PRG4: variants seen among roughly 807,000 people sequenced by gnomAD.
The protein encoded by PRG4 is articular superficial zone protein.
PRG4 carries 61 observed loss-of-function variants against 91.2 expected under a neutral mutation model. The observed-to-expected ratio is 0.67, with a 90% CI of 0.54 to 0.83. The LOEUF (loss-of-function observed/expected upper bound fraction) is 0.83, where lower values mean the gene tolerates loss of function less well. Ranked by LOEUF, PRG4 falls within the 40% of genes least tolerant of loss-of-function variation. The probability of loss-of-function intolerance (pLI) is 0.00; values close to 1 mark genes in which losing one functional copy is unlikely to be tolerated. For synonymous variants in PRG4, 576 were observed against 614.2 expected (o/e 0.94, Z 0.92); for missense variants, 1,564 against 1,714.2 (o/e 0.91, Z 1.55).
intron 5 of PRG4, 94 bp downstream of exon 5, chr1:186,304,351 A>T: frequency 7.2e-7 from 1 of 1,392,588 alleles, no homozygotes; most frequent in South Asian, 1.2e-5. Flanking sequence ...AGAACAGGGT[A>T]ATCTTAGGAA....
In PRG4 at chr1:186,308,773, T is replaced by A; in HGVS notation, c.3054T>A (p.Thr1018=). ...KDRATNSKAT[T]PKPQKPTKAP... is the part of the protein sequence containing the mutation. ...GAGCTACTAATTCTAAAGCGACAACTCCTAAACCTCAAAAGCCAACCAAAG... is the reference window on the plus strand; with the variant it reads ...GAGCTACTAATTCTAAAGCGACAACACCTAAACCTCAAAAGCCAACCAAAG... Residue 1018 remains threonine (T), a synonymous_variant, in exon 7 of 13, where the codon ACT becomes ACA. Transcript: ENST00000445192. 6.2e-7 allele frequency: 1 copy of A among 1,612,614 alleles called. No homozygotes were observed. The highest frequency in any genetic ancestry group is 8.5e-7 in the Non-Finnish European group (1 of 1,179,656).
intron 2 of PRG4, among the ~76,000 whole-genome samples, chr1:186,297,905 T>G (rs1166922642): frequency 1.3e-5 from 2 of 152,174 alleles, no homozygotes; most frequent in African/African-American, 4.8e-5. Flanking sequence ...AAAGCAAATG[T>G]GAATATTCAA....
Position 186,308,532 on chromosome 1 carries a change from CAA to C in PRG4, c.2816_2817del (p.Lys939ArgfsTer38), listed in dbSNP as rs1284076232. On this transcript the variant is annotated frameshift_variant, in exon 7 of 13. Coordinates refer to ENST00000445192, the MANE Select transcript of PRG4 (RefSeq NM_005807.6). LOFTEE classifies it high-confidence loss of function. The stretch of plus-strand genomic sequence containing the variant: ...ACTACAACTGCTGCACCTAAGATGA[CAA>C]AAGAGACAGCAACTACAACAGAAAA... The C allele has an allele frequency of 1.4e-5, 23 of 1,613,534 alleles. No homozygotes were observed. Among genetic ancestry groups the C allele is most frequent in the African/African-American group, 1.1e-4 (8 of 74,908 alleles).
chr1:186,309,414 T>A (rs1380130637), intron 7 of PRG4, among the ~76,000 whole-genome samples: 1 of 152,162 alleles, frequency 6.6e-6, no homozygotes, highest in Non-Finnish European at 1.5e-5. Context: ...GTTCGGAGTC[T>A]ATTCTTAAAA....
intron 2 of PRG4, among the ~76,000 whole-genome samples, chr1:186,298,110 G>T (rs906022260): frequency 3.3e-5 from 5 of 152,176 alleles, no homozygotes; most frequent in South Asian, 4.1e-4. Context: ...GCTGGGTGTG[G>T]TGGCTCACAC....
At chr1:186,304,679 C>A in intron 5 of PRG4, 115 bp from the exon 6 acceptor site, 1 of 1,369,088 alleles carries the variant, frequency 7.3e-7, no homozygotes, top group Non-Finnish European at 1.0e-6. Context: ...CTAATAAAAG[C>A]AAAATCCAGA....
intron 8 of PRG4, among the ~76,000 whole-genome samples, chr1:186,310,479 C>A (rs1657117542): frequency 6.6e-6 from 1 of 152,032 alleles, no homozygotes; most frequent in Non-Finnish European, 1.5e-5. Flanking sequence ...GACTGTAAGT[C>A]ACAAAGCCAA....
At chr1:186,303,862 T>G (rs938040476) in intron 4 of PRG4, among the ~76,000 whole-genome samples, 2 of 152,214 alleles carry the variant, frequency 1.3e-5, no homozygotes, top group African/African-American at 2.4e-5. Flanking sequence ...GGCCTAGGAC[T>G]GGAATTTAGG....
chr1:186,312,228 G>A lies in PRG4; in HGVS notation c.3847G>A (p.Gly1283Arg). The change falls in exon 11 of 13, where the codon GGA becomes AGA. Residue 1283 changes from glycine to arginine, a missense_variant. Coordinates refer to ENST00000445192, the MANE Select transcript of PRG4 (RefSeq NM_005807.6). ...ACAGGAACCTGTACAGAAGTGCCCTGGAAGAAGGCCTGCTCTAAATTATCC... is the reference window on the plus strand; with the variant it reads ...ACAGGAACCTGTACAGAAGTGCCCTAGAAGAAGGCCTGCTCTAAATTATCC... The part of the protein sequence containing the change: ...YKQEPVQKCP[G>R]RRPALNYPVY... The A allele has an allele frequency of 1.2e-6, 2 of 1,613,998 alleles. No individual in the cohort carries two copies. Among genetic ancestry groups the A allele is most frequent in the Non-Finnish European group, 1.7e-6 (2 of 1,179,944 alleles).
At chr1:186,297,044 T>G in intron 2 of PRG4, 93 bp downstream of exon 2, 1 of 1,143,198 alleles carries the variant, frequency 8.7e-7, no homozygotes, top group Non-Finnish European at 1.3e-6. Context: ...TTCTAAAAAT[T>G]TATATTTGCT....
In PRG4 at chr1:186,309,021, A is replaced by C; in HGVS notation, c.3302A>C (p.Glu1101Ala). The stretch of plus-strand genomic sequence containing the variant: ...AAGAGTGAAGATGCAGGTGGTGCTG[A>C]AGGAGAAACACCTCATATGCTTCTC... ...NPKSEDAGGA[E>A]GETPHMLLRP... is the part of the protein sequence containing the mutation. The change falls in exon 7 of 13, where the codon GAA (glutamate) becomes GCA (alanine). Residue 1101 changes from glutamate to alanine, a missense_variant. By Grantham distance (107) the Glu-to-Ala change is moderately radical (BLOSUM62 -1). Transcript: ENST00000445192. 6.2e-7 allele frequency: 1 copy of C among 1,611,516 alleles called. No homozygotes were observed. The highest frequency in any genetic ancestry group is 8.5e-7 in the Non-Finnish European group (1 of 1,178,386).
intron 12 of PRG4, 119 bp from the exon 13 acceptor site, chr1:186,313,562 A>G: frequency 1.5e-6 from 1 of 667,198 alleles, no homozygotes; most frequent in African/African-American, 1.8e-5. Flanking sequence ...ATTAATTAGT[A>G]AAAACATCTC....
intron 2 of PRG4, among the ~76,000 whole-genome samples, chr1:186,299,818 C>T (rs961699383): frequency 3.3e-5 from 5 of 152,186 alleles, no homozygotes; most frequent in Admixed American, 1.3e-4. Flanking sequence ...GCCACCTCTT[C>T]CTTAGGAGTA....
intron 5 of PRG4, 27 bp from the exon 6 acceptor site, chr1:186,304,767 T>C: frequency 6.2e-7 from 1 of 1,603,840 alleles, no homozygotes; most frequent in South Asian, 1.1e-5. Context: ...ACAGTTGGTG[T>C]GATCAAACTT....
intron 7 of PRG4, 68 bp downstream of exon 7, chr1:186,309,208 T>C: frequency 2.7e-6 from 4 of 1,490,080 alleles, no homozygotes; most frequent in Non-Finnish European, 2.8e-6. Context: ...TGAACCAGAA[T>C]GCCTTAGTTT....
intron 12 of PRG4, chr1:186,313,370 T>C (rs572325418): frequency 3.8e-5 from 13 of 342,392 alleles, no homozygotes; most frequent in Non-Finnish European, 4.8e-5. Flanking sequence ...CATTGGCATG[T>C]ATTTTTTAAA....
chr1:186,299,411 G>C (rs1656057572), intron 2 of PRG4, among the ~76,000 whole-genome samples: 1 of 152,156 alleles, frequency 6.6e-6, no homozygotes, highest in South Asian at 2.1e-4. Flanking sequence ...CTTATCCTCA[G>C]GAATGGGAGG....
Position 186,314,113 on chromosome 1 carries a change from T to C in PRG4, c.*335T>C. ...ACTTACCCTAGTTCATTATAAAAAA[T>C]ATCTAGGCATTGTGGATATAAAACT... On this transcript the variant is annotated 3_prime_UTR_variant, in exon 13 of 13. Transcript: ENST00000445192. 8.0e-7 allele frequency: 1 copy of C among 1,251,272 alleles called. No individual in the cohort carries two copies. The highest frequency in any genetic ancestry group is 2.3e-5 in the East Asian group (1 of 42,892). The allele number at this position is 1,251,272 out of a possible 1,614,324, so 77.5% of individuals were successfully genotyped here. A position where few individuals can be genotyped will look rare whatever the true frequency, so the allele number is the denominator to read the frequency against.
rs1657467089 is a variant in PRG4, at chr1:186,313,879, G to A, written c.*101G>A. The A allele has an allele frequency of 6.8e-7, 1 of 1,480,294 alleles. No individual in the cohort carries two copies. Among genetic ancestry groups the A allele is most frequent in the Non-Finnish European group, 9.4e-7 (1 of 1,060,780 alleles). The allele number at this position is 1,480,294 out of a possible 1,614,324, so 91.7% of individuals were successfully genotyped here. A position where few individuals can be genotyped will look rare whatever the true frequency, so the allele number is the denominator to read the frequency against. ...AAAGAATATTGACATGAGTATACCA[G>A]TTTATATATAAAAATGTTTTTAAAC... On this transcript the variant is annotated 3_prime_UTR_variant, in exon 13 of 13. Transcript: ENST00000445192.
Sources: gnomAD v4.1 joint callset for allele counts (sites outside exome capture counted in the v4.1 genomes callset) on GRCh38, gnomAD v4.1.1 for gene constraint, MANE v1.5 for transcripts, NCBI Gene and HGNC (gene_info 2026-07-23, HGNC 2026-07-21) for gene names.